TMEFF2: variants seen among roughly 807,000 people sequenced by gnomAD.
The protein encoded by TMEFF2 is tomoregulin-2.
Under a neutral mutation model 53.8 loss-of-function variants are expected in TMEFF2, and 28 were observed. The observed-to-expected ratio is 0.52, with a 90% CI of 0.39 to 0.71. The LOEUF (loss-of-function observed/expected upper bound fraction) is 0.71. Among genes scored for constraint, TMEFF2 ranks in the 30% least tolerant of loss-of-function variants. TMEFF2 has a pLI of 0.00. For synonymous variants in TMEFF2, 162 were observed against 166.3 expected (o/e 0.97, Z 0.20); for missense variants, 353 against 455.2 (o/e 0.78, Z 2.04).
Position 191,964,090 on chromosome 2 carries a change from C to T in TMEFF2, c.746-7712G>A, listed in dbSNP as rs575106159. On this transcript the variant is annotated intron_variant, in intron 7 of 9. Coordinates refer to ENST00000272771, the MANE Select transcript of TMEFF2 (RefSeq NM_016192.4). The stretch of plus-strand genomic sequence containing the variant: ...ATAGTTAGGAACTTATAAAAATACA[C>T]GACAACATCTGGCCTTCATATCTTA... 1.7e-4 allele frequency among the ~76,000 whole-genome samples: 26 copies of T among 152,220 alleles called. No individual in the cohort carries two copies. In the South Asian group the frequency reaches 2.7e-3, roughly 16 times the overall value.
intron 5 of TMEFF2, among the ~76,000 whole-genome samples, chr2:192,038,464 A>C (rs916357600): frequency 1.3e-5 from 2 of 152,110 alleles, no homozygotes; most frequent in Admixed American, 6.5e-5. Context: ...TTTTTTTTTT[A>C]AACCTTTCAA....
At chr2:192,055,989 C>T (rs780058578) in intron 5 of TMEFF2, among the ~76,000 whole-genome samples, 7 of 152,102 alleles carry the variant, frequency 4.6e-5, no homozygotes, top group Non-Finnish European at 1.0e-4. Context: ...TATTCAAAGG[C>T]AGTGTTTACT....
intron 4 of TMEFF2, among the ~76,000 whole-genome samples, chr2:192,098,244 A>G (rs904898991): frequency 1.8e-4 from 28 of 152,348 alleles, no homozygotes; most frequent in African/African-American, 6.5e-4. Context: ...AACAACGTCA[A>G]TTCAAACCTT....
intron 4 of TMEFF2, among the ~76,000 whole-genome samples, chr2:192,096,828 C>G (rs1000641014): frequency 1.3e-5 from 2 of 151,774 alleles, no homozygotes; most frequent in African/African-American, 4.8e-5. Context: ...AGGCATCCAC[C>G]ACCAGGCCCA....
intron 5 of TMEFF2, among the ~76,000 whole-genome samples, chr2:192,037,396 G>C (rs1687346094): frequency 6.6e-6 from 1 of 150,400 alleles, no homozygotes; most frequent in African/African-American, 2.4e-5. Context: ...TTAAATTAAT[G>C]AATAGAACCT....
intron 4 of TMEFF2, among the ~76,000 whole-genome samples, chr2:192,140,252 G>A (rs1690104908): frequency 1.3e-5 from 2 of 152,170 alleles, no homozygotes; most frequent in Admixed American, 1.3e-4. Context: ...CAATTTGTTT[G>A]ACAAGAACAT....
intron 5 of TMEFF2, among the ~76,000 whole-genome samples, chr2:192,050,075 A>G (rs1238923129): frequency 6.6e-6 from 1 of 152,206 alleles, no homozygotes; most frequent in Non-Finnish European, 1.5e-5. Context: ...TAGAAATACA[A>G]TCTGTACTTA....
chr2:192,044,680 G>T (rs1003456238), intron 5 of TMEFF2, among the ~76,000 whole-genome samples: 11 of 152,314 alleles, frequency 7.2e-5, no homozygotes, highest in African/African-American at 2.4e-4. Flanking sequence ...CAGGGATGCT[G>T]TCTGGAGCCT....
At chr2:191,984,731 G>A (rs185549079) in intron 7 of TMEFF2, among the ~76,000 whole-genome samples, 1 of 152,130 alleles carries the variant, frequency 6.6e-6, no homozygotes, top group East Asian at 1.9e-4. Flanking sequence ...CCCATTAGGG[G>A]AGGGGAAAAA....
At chr2:191,986,859 GAAAAAAA>G (rs35061261) in intron 7 of TMEFF2, among the ~76,000 whole-genome samples, 3 of 76,528 alleles carry the variant, frequency 3.9e-5, no homozygotes, top group African/African-American at 1.4e-4. Context: ...CTCCGTCTCA[GAAAAAAA>G]AAAAAAAAAA....
At chr2:192,057,188 C>A (rs1687929942) in intron 5 of TMEFF2, among the ~76,000 whole-genome samples, 1 of 151,446 alleles carries the variant, frequency 6.6e-6, no homozygotes. Context: ...GGACTACAGG[C>A]TAGTGTGACC....
intron 4 of TMEFF2, among the ~76,000 whole-genome samples, chr2:192,168,021 G>A (rs1249993711): frequency 1.3e-5 from 2 of 152,078 alleles, no homozygotes; most frequent in Non-Finnish European, 2.9e-5. Context: ...TGTTGGTTGA[G>A]TCTTTACTTT....
At chr2:192,055,397 T>C (rs1018587453) in intron 5 of TMEFF2, among the ~76,000 whole-genome samples, 2 of 152,170 alleles carry the variant, frequency 1.3e-5, no homozygotes, top group African/African-American at 4.8e-5. Context: ...TTAAAAAAAT[T>C]CTCAAAGTAC....
intron 5 of TMEFF2, among the ~76,000 whole-genome samples, chr2:192,001,343 CTATA>C (rs1401401549): frequency 2.6e-5 from 4 of 151,744 alleles, no homozygotes; most frequent in African/African-American, 7.2e-5. Context: ...GAAATGTACA[CTATA>C]TATATATTTT....
intron 5 of TMEFF2, among the ~76,000 whole-genome samples, chr2:192,047,121 G>A (rs1009746340): frequency 4.6e-5 from 7 of 151,988 alleles, no homozygotes; most frequent in South Asian, 2.1e-4. Flanking sequence ...AGGTTTCACC[G>A]TGTTGCCCAG....
At chr2:192,146,967 C>T (rs1690267046) in intron 4 of TMEFF2, among the ~76,000 whole-genome samples, 1 of 152,034 alleles carries the variant, frequency 6.6e-6, no homozygotes, top group African/African-American at 2.4e-5. Flanking sequence ...GTTTTCAAGA[C>T]TTCATACACA....
At chr2:192,077,356 T>C (rs1688455713) in intron 4 of TMEFF2, among the ~76,000 whole-genome samples, 1 of 152,154 alleles carries the variant, frequency 6.6e-6, no homozygotes, top group African/African-American at 2.4e-5. Context: ...CTTTGATTAC[T>C]ATAATAATGG....
intron 7 of TMEFF2, among the ~76,000 whole-genome samples, chr2:191,995,138 C>T (rs60477137): frequency 1.3e-3 from 196 of 152,070 alleles, no homozygotes; most frequent in African/African-American, 3.8e-3. Flanking sequence ...ATTTATTGCA[C>T]GTTTTGGTAA....
At chr2:192,099,193 T>C (rs2105942660) in intron 4 of TMEFF2, among the ~76,000 whole-genome samples, 1 of 152,268 alleles carries the variant, frequency 6.6e-6, no homozygotes, top group African/African-American at 2.4e-5. Context: ...TCAATCTTTA[T>C]AGTAAACAAA....
Sources: gnomAD v4.1 joint callset for allele counts (sites outside exome capture counted in the v4.1 genomes callset) on GRCh38, gnomAD v4.1.1 for gene constraint, MANE v1.5 for transcripts, NCBI Gene and HGNC (gene_info 2026-07-23, HGNC 2026-07-21) for gene names.